The following COBLL1 variants were observed in gnomAD, a reference collection of about 807,000 sequenced individuals.
The protein encoded by COBLL1 is cordon-bleu WH2 repeat protein like 1, also known as cordon-bleu protein-like 1.
In COBLL1, 50 loss-of-function variants were observed where a neutral mutation model predicts 94.8. That is an observed-to-expected ratio of 0.53 (90% CI 0.42 to 0.67). The LOEUF (loss-of-function observed/expected upper bound fraction) is 0.67, where lower values mean the gene tolerates loss of function less well. Ranked by LOEUF, COBLL1 falls within the 30% of genes least tolerant of loss-of-function variation. COBLL1 has a pLI of 0.00. For missense variants in COBLL1, 1,362 were observed against 1,348.7 expected (o/e 1.01, Z -0.15); for synonymous variants, 448 against 473.8 (o/e 0.95, Z 0.71).
At chr2:164,753,216 A>G (rs890659740) in intron 2 of COBLL1, among the ~76,000 whole-genome samples, 1 of 152,190 alleles carries the variant, frequency 6.6e-6, no homozygotes, top group Non-Finnish European at 1.5e-5. Context: ...AAAAAATGAT[A>G]AAGGGAATGG....
chr2:164,770,211 C>A (rs1334024945), intron 2 of COBLL1, among the ~76,000 whole-genome samples: 2 of 151,994 alleles, frequency 1.3e-5, no homozygotes, highest in Non-Finnish European at 1.5e-5. Context: ...TCTCCTATGC[C>A]ATTCTGTTAC....
chr2:164,671,526 T>C (rs1691241088), intron 1 of COBLL1, among the ~76,000 whole-genome samples: 1 of 152,210 alleles, frequency 6.6e-6, no homozygotes, highest in Non-Finnish European at 1.5e-5. Context: ...CTCTGAGGTC[T>C]CTGGAAAGGT....
intron 7 of COBLL1, among the ~76,000 whole-genome samples, chr2:164,717,698 C>CA (rs759582538): frequency 3.3e-5 from 5 of 152,138 alleles, no homozygotes; most frequent in Non-Finnish European, 7.4e-5. Context: ...GGACTGCAGG[C>CA]ACACACCAAC....
chr2:164,664,814 T>C (rs1691129742), intron 2 of COBLL1, among the ~76,000 whole-genome samples: 1 of 152,160 alleles, frequency 6.6e-6, no homozygotes, highest in Non-Finnish European at 1.5e-5. Context: ...CACAAAACCA[T>C]GGTCATTTAG....
At chr2:164,760,739 A>AAAAAT (rs948136870) in intron 2 of COBLL1, among the ~76,000 whole-genome samples, 4 of 152,176 alleles carry the variant, frequency 2.6e-5, no homozygotes, top group Non-Finnish European at 5.9e-5. Context: ...AAACTAGTAA[A>AAAAAT]AAAATAAAAG....
intron 1 of COBLL1, among the ~76,000 whole-genome samples, chr2:164,668,541 A>C (rs1238215851): frequency 6.6e-6 from 1 of 152,196 alleles, no homozygotes; most frequent in East Asian, 1.9e-4. Flanking sequence ...TGACACAAGG[A>C]CATGAAGTGA....
rs755524405 is a variant in COBLL1, at chr2:164,704,450, T to G, written c.1219A>C (p.Ser407Arg). 1.2e-6 allele frequency: 2 copies of G among 1,608,558 alleles called. No individual in the cohort carries two copies. Among genetic ancestry groups the G allele is most frequent in the Non-Finnish European group, 1.7e-6 (2 of 1,174,950 alleles). Residue 407 changes from serine to arginine, a missense_variant, in exon 9 of 14, where the codon AGC becomes CGC. By Grantham distance (110) the Ser-to-Arg change is moderately radical. Coordinates refer to ENST00000652658, the MANE Select transcript of COBLL1 (RefSeq NM_001365672.2). ...TAGAATAAGGGTGTCATACCTGGGC[T>G]GGATAGCTCCTCAGGAGAGTTTGCT... Reference protein sequence around the residue: ...SEANSPEELSSPAGISSDYSL... With the variant: ...SEANSPEELSRPAGISSDYSL...
chr2:164,722,655 C>A (rs928899638), intron 5 of COBLL1, 133 bp from the exon 6 acceptor site: 5 of 446,552 alleles, frequency 1.1e-5, no homozygotes, highest in African/African-American at 8.2e-5. Flanking sequence ...CAAAGAAGCA[C>A]CTTAAATCTT....
chr2:164,667,796 A>G (rs567103612), intron 1 of COBLL1, among the ~76,000 whole-genome samples: 2 of 152,288 alleles, frequency 1.3e-5, no homozygotes, highest in East Asian at 3.9e-4. Context: ...TTCTAGCCAG[A>G]CCACTAAACT....
intron 2 of COBLL1, among the ~76,000 whole-genome samples, chr2:164,783,573 A>G (rs557119828): frequency 2.8e-4 from 42 of 152,220 alleles, no homozygotes; most frequent in Non-Finnish European, 5.3e-4. Context: ...CAAACATTAA[A>G]AACTCCTCCT....
intron 2 of COBLL1, among the ~76,000 whole-genome samples, chr2:164,826,012 G>A (rs934585648): frequency 2.0e-4 from 30 of 152,162 alleles, no homozygotes; most frequent in African/African-American, 6.8e-4. Flanking sequence ...GGTGTCTCAA[G>A]TTCCTACCTC....
Position 164,729,919 on chromosome 2 carries a change from G to T in COBLL1, c.427C>A (p.Pro143Thr). Residue 143 changes from proline to threonine, a missense_variant, in exon 4 of 14, where the codon CCA becomes ACA. Physicochemically the swap from Pro to Thr is conservative, Grantham distance 38. Transcript: ENST00000652658. The stretch of plus-strand genomic sequence containing the variant: ...ATATATAATGGAATTCTTACCTCTG[G>T]TATTATAGGTGTAGGTTTTTTCTTA... ...LDKKKPTPII[P>T]EKTVRVVINF... is the part of the protein sequence containing the mutation. 6.2e-7 allele frequency: 1 copy of T among 1,609,098 alleles called. No homozygotes were observed. Among genetic ancestry groups the T allele is most frequent in the South Asian group, 1.1e-5 (1 of 90,960 alleles).
At position 164,841,418 on chromosome 2, in the gene COBLL1, G is replaced by A; in HGVS notation, c.-50-172C>T. 8.6e-7 allele frequency: 1 copy of A among 1,161,264 alleles called. No homozygotes were observed. The allele number at this position is 1,161,264 out of a possible 1,614,324, so 71.9% of individuals were successfully genotyped here. ...CTCCCAGCCCGCGGGCGCCGCCGCCGTCTCTACAAGGTCTAGCGGGCGCCC... is the reference window on the plus strand; with the variant it reads ...CTCCCAGCCCGCGGGCGCCGCCGCCATCTCTACAAGGTCTAGCGGGCGCCC... On this transcript the variant is annotated intron_variant, in intron 1 of 13. Coordinates refer to ENST00000652658, the MANE Select transcript of COBLL1 (RefSeq NM_001365672.2). The surrounding 1 kb of genome is among the most constrained non-coding windows in gnomAD (Gnocchi z 5.5).
At chr2:164,721,873 T>G (rs1171000992) in intron 7 of COBLL1, 3 of 375,218 alleles carry the variant, frequency 8.0e-6, no homozygotes, top group Non-Finnish European at 4.7e-6. Context: ...ATCACAGACC[T>G]GTATGTACAT....
At chr2:164,766,765 C>T (rs1004531351) in intron 2 of COBLL1, among the ~76,000 whole-genome samples, 17 of 152,156 alleles carry the variant, frequency 1.1e-4, no homozygotes, top group African/African-American at 3.9e-4. Context: ...CTGCTTTCCT[C>T]CATGCACATG....
intron 2 of COBLL1, among the ~76,000 whole-genome samples, chr2:164,839,574 A>G (rs1048299422): frequency 3.9e-5 from 6 of 152,182 alleles, no homozygotes; most frequent in Admixed American, 3.3e-4. Context: ...CTGAACACCC[A>G]TGGGTGTATT....
chr2:164,710,693 A>G (rs1309275066), intron 7 of COBLL1, among the ~76,000 whole-genome samples: 3 of 151,700 alleles, frequency 2.0e-5, no homozygotes, highest in African/African-American at 7.3e-5. Flanking sequence ...CCTCCCGAGT[A>G]GCTGGGATTA....
At position 164,695,063 on chromosome 2, in the gene COBLL1, C is replaced by T; in HGVS notation, c.2329G>A (p.Ala777Thr). The T allele has an allele frequency of 6.2e-7, 1 of 1,613,866 alleles. No individual in the cohort carries two copies. The highest frequency in any genetic ancestry group is 8.5e-7 in the Non-Finnish European group (1 of 1,179,924). Reference sequence around the variant, plus strand: ...ATAGCAGAATCTTCTGTTTGGATGGCAGTTTCTTTCACATTCTCATGAGTG... The same window carrying T: ...ATAGCAGAATCTTCTGTTTGGATGGTAGTTTCTTTCACATTCTCATGAGTG... ...KHTHENVKETAIQTEDSAISE... is the reference protein window; with the variant it reads ...KHTHENVKETTIQTEDSAISE... Residue 777 changes from alanine to threonine, a missense_variant, in exon 12 of 14, where the codon GCC becomes ACC. Transcript: ENST00000652658.
intron 7 of COBLL1, chr2:164,705,456 T>A (rs1684538558): frequency 6.1e-6 from 1 of 163,988 alleles, no homozygotes. Context: ...ACATTATTTG[T>A]ATAGTAGTAT....
Sources: allele counts gnomAD v4.1 joint callset (sites outside exome capture counted in the v4.1 genomes callset), GRCh38; gene constraint gnomAD v4.1.1; non-coding constraint Gnocchi (gnomAD v3.1); transcripts MANE v1.5; gene names NCBI Gene and HGNC (gene_info 2026-07-23, HGNC 2026-07-21).